ACSF3: variants seen among roughly 807,000 people sequenced by gnomAD.
ACSF3 encodes malonate--CoA ligase ACSF3, mitochondrial.
Under a neutral mutation model 53.2 loss-of-function variants are expected in ACSF3, and 78 were observed. The observed-to-expected ratio is 1.47, with a 90% CI of 1.22 to 1.77. The LOEUF is 1.77. ACSF3 is among the 40% of genes most tolerant of loss of function. ACSF3 has a pLI of 0.00. For synonymous variants in ACSF3, 414 were observed against 333.1 expected, an observed-to-expected ratio of 1.24 and a Z score of -2.65; for missense variants, 937 against 771.1, an observed-to-expected ratio of 1.22 and a Z score of -2.55.
chr16:89,109,810 C>T (rs900780902), intron 4 of ACSF3, among the ~76,000 whole-genome samples: 1 of 152,222 alleles, frequency 6.6e-6, no homozygotes, highest in African/African-American at 2.4e-5. Context: ...TGGCCTCACA[C>T]TCCTGAGCTC....
chr16:89,151,018 G>A, intron 10 of ACSF3: 3 of 1,288,740 alleles, frequency 2.3e-6, no homozygotes, highest in Non-Finnish European at 2.0e-6. Flanking sequence ...CAAAGGTCAT[G>A]AGTTTTCAGG....
intron 9 of ACSF3, 99 bp downstream of exon 9, chr16:89,145,500 C>T: frequency 2.1e-6 from 3 of 1,437,490 alleles, no homozygotes; most frequent in Admixed American, 1.9e-5. Flanking sequence ...GCCGTCCCAG[C>T]TGCCTGCAGG....
chr16:89,146,273 G>A (rs1257283644), intron 10 of ACSF3, among the ~76,000 whole-genome samples: 1 of 152,174 alleles, frequency 6.6e-6, no homozygotes, highest in African/African-American at 2.4e-5. Flanking sequence ...AATATTCCGA[G>A]GGGGCAGAAA....
chr16:89,134,438 G>C (rs1909997727), intron 8 of ACSF3, among the ~76,000 whole-genome samples: 1 of 152,212 alleles, frequency 6.6e-6, no homozygotes, highest in African/African-American at 2.4e-5. Context: ...GCTGGATCAG[G>C]AGCACAGTGG....
intron 5 of ACSF3, chr16:89,113,878 G>A (rs1013851039): frequency 1.0e-5 from 3 of 300,860 alleles, no homozygotes; most frequent in South Asian, 2.9e-5. Context: ...CCATGTCCGC[G>A]TTCTGCTGCA....
Position 89,120,892 on chromosome 16 carries a change from G to A in ACSF3, c.1218G>A (p.Glu406=). The change falls in exon 7 of 11, where the codon GAG becomes GAA. Residue 406 remains glutamate, a synonymous_variant. Transcript: ENST00000614302. ...CCTGCTCCTACACCATCCACGCAGA[G>A]GGAGACGAGAGGGGGACCAAGGTAA... ...REACSYTIHA[E]GDERGTKVTP... 1 of 1,614,018 alleles carries A rather than the reference G, an allele frequency of 6.2e-7. No individual in the cohort carries two copies. The highest frequency in any genetic ancestry group is 8.5e-7 in the Non-Finnish European group (1 of 1,179,988).
intron 6 of ACSF3, among the ~76,000 whole-genome samples, chr16:89,118,676 C>T (rs1185175323): frequency 1.3e-5 from 2 of 152,224 alleles, no homozygotes; most frequent in South Asian, 2.1e-4. Context: ...TGCTGGGCCT[C>T]GTCACACTCT....
At chr16:89,127,471 C>T (rs993764138) in intron 7 of ACSF3, among the ~76,000 whole-genome samples, 2 of 152,076 alleles carry the variant, frequency 1.3e-5, no homozygotes, top group Non-Finnish European at 1.5e-5. Flanking sequence ...CTCAAGTGAT[C>T]CTGCGTCAGC....
intron 10 of ACSF3, chr16:89,148,448 A>T (rs12935839): frequency 0.24 from 37,200 of 152,074 alleles, 4,788 homozygotes; most frequent in Non-Finnish European, 0.28. Context: ...CATGTCTCAC[A>T]TCCAGGCTAC....
intron 4 of ACSF3, among the ~76,000 whole-genome samples, chr16:89,105,381 G>A (rs184180436): frequency 1.8e-4 from 28 of 152,310 alleles, no homozygotes; most frequent in Middle Eastern, 6.8e-3. Flanking sequence ...CATGGACACA[G>A]CTGTCCTTGG....
intron 7 of ACSF3, among the ~76,000 whole-genome samples, chr16:89,123,555 G>A (rs886772624): frequency 1.4e-4 from 21 of 152,140 alleles, no homozygotes; most frequent in Admixed American, 3.3e-4. Context: ...CGTGGGTCCC[G>A]GCCAGCGTCC....
At chr16:89,111,872 C>T (rs1976716302) in intron 4 of ACSF3, among the ~76,000 whole-genome samples, 1 of 152,250 alleles carries the variant, frequency 6.6e-6, no homozygotes, top group East Asian at 1.9e-4. Flanking sequence ...TTTTCTAGCT[C>T]TGTTCACGAT....
At chr16:89,135,437 A>G (rs974188586) in intron 8 of ACSF3, among the ~76,000 whole-genome samples, 4 of 152,242 alleles carry the variant, frequency 2.6e-5, no homozygotes, top group African/African-American at 9.6e-5. Flanking sequence ...GTGAGCCCCT[A>G]GAGCAGAGGC....
intron 10 of ACSF3, 85 bp from the exon 11 acceptor site, chr16:89,154,005 C>T: frequency 7.2e-7 from 1 of 1,390,146 alleles, no homozygotes; most frequent in Non-Finnish European, 1.0e-6. Flanking sequence ...GTCCCAGGGG[C>T]ACCTGTCCGT....
chr16:89,147,400 T>G (rs1314447174), intron 10 of ACSF3, among the ~76,000 whole-genome samples: 3 of 12,238 alleles, frequency 2.5e-4, no homozygotes, highest in Admixed American at 1.3e-3. Context: ...GGTCACAGAG[T>G]GAGTGAGGGA....
At position 89,101,124 on chromosome 16, in the gene ACSF3, C is replaced by A. The variant is rs1172420285; in HGVS notation, c.443C>A (p.Ala148Asp). The A allele has an allele frequency of 6.2e-7, 1 of 1,614,054 alleles. No individual in the cohort carries two copies. The highest frequency in any genetic ancestry group is 1.1e-5 in the South Asian group (1 of 91,080). ...ICDSQSSVVL[A>D]SQEYLELLSP... ...GACTCCCAGAGCTCTGTGGTCCTTGCCAGCCAGGAGTACCTGGAGCTCCTG... is the reference window on the plus strand; with the variant it reads ...GACTCCCAGAGCTCTGTGGTCCTTGACAGCCAGGAGTACCTGGAGCTCCTG... The change falls in exon 3 of 11, where the codon GCC becomes GAC. Residue 148 changes from alanine to aspartate, a missense_variant. By Grantham distance (126) the Ala-to-Asp change is moderately radical. Coordinates refer to ENST00000614302, the MANE Select transcript of ACSF3 (RefSeq NM_001243279.3).
intron 7 of ACSF3, among the ~76,000 whole-genome samples, chr16:89,124,704 T>TGA (rs66519411): frequency 6.6e-6 from 1 of 151,766 alleles, no homozygotes; most frequent in Non-Finnish European, 1.5e-5. Flanking sequence ...CATGTGTGTG[T>TGA]GATACCCATG....
intron 10 of ACSF3, chr16:89,150,607 G>C (rs1168732432): frequency 8.5e-6 from 2 of 234,974 alleles, no homozygotes; most frequent in East Asian, 2.2e-4. Flanking sequence ...CAGTGGCTGT[G>C]ACAAGACCCT....
intron 4 of ACSF3, among the ~76,000 whole-genome samples, chr16:89,104,359 G>A (rs774636282): frequency 3.3e-5 from 5 of 152,230 alleles, no homozygotes; most frequent in African/African-American, 1.2e-4. Context: ...TCTGTGCGGG[G>A]TTGTTCTGCA....
Sources: gnomAD v4.1 joint callset for allele counts (sites outside exome capture counted in the v4.1 genomes callset) on GRCh38, gnomAD v4.1.1 for gene constraint, MANE v1.5 for transcripts, NCBI Gene and HGNC (gene_info 2026-07-23, HGNC 2026-07-21) for gene names.